The following PEBP4 variants were observed in gnomAD, a reference collection of about 807,000 sequenced individuals.
PEBP4 encodes phosphatidylethanolamine-binding protein 4.
In PEBP4, 22 loss-of-function variants were observed where a neutral mutation model predicts 23.9. That is an observed-to-expected ratio of 0.92 (90% CI 0.66 to 1.31). The LOEUF (loss-of-function observed/expected upper bound fraction) is 1.31. Among genes scored for constraint, PEBP4 ranks in the 40% most tolerant of loss-of-function variants. PEBP4 has a pLI of 0.00. For synonymous variants in PEBP4, 112 were observed against 99.3 expected (o/e 1.13, Z -0.76); for missense variants, 324 against 281.7 (o/e 1.15, Z -1.07).
At chr8:22,828,969 C>T (rs1463367088) in intron 3 of PEBP4, among the ~76,000 whole-genome samples, 3 of 152,190 alleles carry the variant, frequency 2.0e-5, no homozygotes, top group Admixed American at 6.5e-5. Flanking sequence ...CCCCCTCTCT[C>T]CAGCTTGCTT....
intron 3 of PEBP4, among the ~76,000 whole-genome samples, chr8:22,842,972 C>T (rs753895732): frequency 1.6e-4 from 25 of 152,238 alleles, no homozygotes; most frequent in South Asian, 8.3e-4. Flanking sequence ...TGATTACAGG[C>T]GCCCGCCAAC....
At chr8:22,884,481 C>G (rs752188094) in intron 3 of PEBP4, 4 of 152,146 alleles carry the variant, frequency 2.6e-5, no homozygotes, top group Non-Finnish European at 4.4e-5. Flanking sequence ...GTTCACCTGG[C>G]TATTACAGAG....
At chr8:22,729,767 G>A (rs1170972707) in intron 4 of PEBP4, among the ~76,000 whole-genome samples, 1 of 152,190 alleles carries the variant, frequency 6.6e-6, no homozygotes, top group African/African-American at 2.4e-5. Flanking sequence ...GTCCTCACTG[G>A]CAGAAAGAAC....
At chr8:22,858,478 T>A (rs1474502820) in intron 3 of PEBP4, among the ~76,000 whole-genome samples, 1 of 152,176 alleles carries the variant, frequency 6.6e-6, no homozygotes, top group Non-Finnish European at 1.5e-5. Flanking sequence ...CCTGGGAAAA[T>A]GCAGAGTATT....
At chr8:22,812,643 T>C (rs564215667) in intron 4 of PEBP4, among the ~76,000 whole-genome samples, 1 of 152,336 alleles carries the variant, frequency 6.6e-6, no homozygotes, top group East Asian at 1.9e-4. Context: ...CAGAAGTCAT[T>C]ATTAATCCCA....
chr8:22,849,850 C>T (rs1184775789), intron 3 of PEBP4, among the ~76,000 whole-genome samples: 1 of 152,166 alleles, frequency 6.6e-6, no homozygotes, highest in African/African-American at 2.4e-5. Context: ...TTTAATCTGT[C>T]ATTTGTTGCT....
intron 3 of PEBP4, among the ~76,000 whole-genome samples, chr8:22,910,363 C>T (rs1808914120): frequency 6.6e-6 from 1 of 152,260 alleles, no homozygotes; most frequent in Non-Finnish European, 1.5e-5. Context: ...GCACGCATCT[C>T]CCTGCGTGGG....
rs1807863620 is a variant in PEBP4, at chr8:22,865,290, G to A, written c.259-47555C>T. Among the ~76,000 whole-genome samples the A allele has an allele frequency of 2.0e-5, 3 of 152,172 alleles. No individual in the cohort carries two copies. The highest frequency in any genetic ancestry group is 1.3e-4 in the Admixed American group (2 of 15,298). On this transcript the variant is annotated intron_variant, in intron 3 of 6. Coordinates refer to ENST00000256404, the MANE Select transcript of PEBP4 (RefSeq NM_144962.3). The surrounding 1 kb of genome is among the most constrained non-coding windows in gnomAD (Gnocchi z 6.9). ...ACAACTCCTTGCTCAGGGCAGCCCGGGAAGAGCGGCGGGCGGATGGGAATT... is the reference window on the plus strand; with the variant it reads ...ACAACTCCTTGCTCAGGGCAGCCCGAGAAGAGCGGCGGGCGGATGGGAATT...
intron 3 of PEBP4, among the ~76,000 whole-genome samples, chr8:22,879,757 T>C (rs895654486): frequency 6.6e-6 from 1 of 152,124 alleles, no homozygotes; most frequent in Admixed American, 6.5e-5. Flanking sequence ...ACTGTGTAAT[T>C]CAACAAACAT....
chr8:22,728,613 C>CT (rs113682695), intron 4 of PEBP4, among the ~76,000 whole-genome samples: 13,947 of 100,248 alleles, frequency 0.14, 900 homozygotes, highest in Admixed American at 0.16. Flanking sequence ...CCTTCCTTCC[C>CT]TTTTTTTGGA....
intron 3 of PEBP4, among the ~76,000 whole-genome samples, chr8:22,828,632 C>A (rs1227929910): frequency 6.6e-6 from 1 of 152,190 alleles, no homozygotes; most frequent in Non-Finnish European, 1.5e-5. Flanking sequence ...CACCCTGTTG[C>A]CTTCTCTGTG....
chr8:22,933,152 A>G (rs999692692), intron 1 of PEBP4, among the ~76,000 whole-genome samples: 4 of 152,200 alleles, frequency 2.6e-5, no homozygotes, highest in Non-Finnish European at 5.9e-5. Flanking sequence ...ATCATGTGCA[A>G]TGCTCTAATC....
chr8:22,858,741 G>A (rs867970943), intron 3 of PEBP4, among the ~76,000 whole-genome samples: 1 of 152,182 alleles, frequency 6.6e-6, no homozygotes, highest in Non-Finnish European at 1.5e-5. Context: ...GAGGCCAGGA[G>A]TTCGAAACCA....
chr8:22,921,149 T>G (rs1315177510), intron 2 of PEBP4, among the ~76,000 whole-genome samples: 1 of 152,214 alleles, frequency 6.6e-6, no homozygotes, highest in East Asian at 1.9e-4. Context: ...GGAACACAGG[T>G]AAGATTTTTC....
chr8:22,934,676 A>G (rs1809509789), intron 1 of PEBP4, among the ~76,000 whole-genome samples: 1 of 152,178 alleles, frequency 6.6e-6, no homozygotes, highest in Non-Finnish European at 1.5e-5. Flanking sequence ...ATCTCTTAAG[A>G]ATGCAAGCAA....
At chr8:22,897,225 T>C (rs1808605961) in intron 3 of PEBP4, among the ~76,000 whole-genome samples, 1 of 152,162 alleles carries the variant, frequency 6.6e-6, no homozygotes. Context: ...AATTTAAGAC[T>C]GTTCAGACTC....
intron 4 of PEBP4, among the ~76,000 whole-genome samples, chr8:22,761,795 CCTT>C (rs1263753048): frequency 2.0e-5 from 3 of 152,152 alleles, no homozygotes; most frequent in Non-Finnish European, 2.9e-5. Context: ...TTTTCTGTCT[CCTT>C]CTTTCTCGCT....
intron 4 of PEBP4, among the ~76,000 whole-genome samples, chr8:22,737,022 G>T (rs1404538805): frequency 6.6e-6 from 1 of 152,200 alleles, no homozygotes; most frequent in African/African-American, 2.4e-5. Context: ...GGCCGGGCAT[G>T]GTGGCTCACG....
At chr8:22,844,503 T>G (rs1056987778) in intron 3 of PEBP4, among the ~76,000 whole-genome samples, 12 of 152,200 alleles carry the variant, frequency 7.9e-5, no homozygotes, top group African/African-American at 2.9e-4. Context: ...CCTCCCAAAG[T>G]GCTGGGATTA....
Sources: allele counts gnomAD v4.1 joint callset (sites outside exome capture counted in the v4.1 genomes callset), GRCh38; gene constraint gnomAD v4.1.1; non-coding constraint Gnocchi (gnomAD v3.1); transcripts MANE v1.5; gene names NCBI Gene and HGNC (gene_info 2026-07-23, HGNC 2026-07-21).